MYRIP: variants seen among roughly 807,000 people sequenced by gnomAD.
The protein encoded by MYRIP is myosin VIIA and Rab interacting protein.
In MYRIP, 49 loss-of-function variants were observed where a neutral mutation model predicts 98.0. The observed-to-expected ratio is 0.50, with a 90% CI of 0.40 to 0.63. The LOEUF (loss-of-function observed/expected upper bound fraction) is 0.63. MYRIP is among the 30% of genes least tolerant of loss of function. The pLI is 0.00. For missense variants in MYRIP, 1,004 were observed against 1,058.2 expected, an observed-to-expected ratio of 0.95 and a Z score of 0.71; for synonymous variants, 404 against 409.5, an observed-to-expected ratio of 0.99 and a Z score of 0.16.
At chr3:39,818,715 G>C (rs913289427) in intron 1 of MYRIP, among the ~76,000 whole-genome samples, 1 of 152,096 alleles carries the variant, frequency 6.6e-6, no homozygotes, top group East Asian at 1.9e-4. Flanking sequence ...TTATGCACAT[G>C]TACAAGAAAC....
At position 40,027,183 on chromosome 3, in the gene MYRIP, C is replaced by T. The variant is rs533243842; in HGVS notation, c.111-16867C>T. ...CAGCTTCACTCCCCACGTAGTTACA[C>T]AAGCCAGAATCTGGTTTGCCCTCTC... On this transcript the variant is annotated intron_variant, in intron 2 of 16. Transcript: ENST00000302541. 6.0e-4 allele frequency among the ~76,000 whole-genome samples: 92 copies of T among 152,246 alleles called. 1 individual carries two copies. Among genetic ancestry groups the T allele is most frequent in the Admixed American group, 1.6e-3 (24 of 15,282 alleles).
chr3:40,223,996 C>G (rs1952416776), intron 11 of MYRIP, among the ~76,000 whole-genome samples: 1 of 152,090 alleles, frequency 6.6e-6, no homozygotes, highest in Non-Finnish European at 1.5e-5. Context: ...GAAGGGCTTT[C>G]CAGGCAGAGG....
chr3:39,969,966 G>A (rs1161227952), intron 2 of MYRIP, among the ~76,000 whole-genome samples: 1 of 152,028 alleles, frequency 6.6e-6, no homozygotes, highest in Admixed American at 6.6e-5. Flanking sequence ...TTTTTGGTTG[G>A]TAGGCTGTTT....
intron 2 of MYRIP, among the ~76,000 whole-genome samples, chr3:40,042,708 TC>T (rs1947568325): frequency 6.6e-6 from 1 of 152,196 alleles, no homozygotes; most frequent in South Asian, 2.1e-4. Flanking sequence ...TAAAATACTA[TC>T]AAGTATTATC....
At chr3:39,818,162 T>A (rs7642625) in intron 1 of MYRIP, among the ~76,000 whole-genome samples, 8 of 152,048 alleles carry the variant, frequency 5.3e-5, no homozygotes, top group African/African-American at 1.9e-4. Context: ...TGTAGACATT[T>A]TTTATTTTCT....
chr3:40,176,114 T>C (rs1950750849), intron 8 of MYRIP, among the ~76,000 whole-genome samples: 1 of 152,232 alleles, frequency 6.6e-6, no homozygotes, highest in South Asian at 2.1e-4. Flanking sequence ...TGAGTATCTC[T>C]TTCCTGCTCC....
chr3:40,075,033 C>A (rs889466327), intron 3 of MYRIP, among the ~76,000 whole-genome samples: 2 of 151,986 alleles, frequency 1.3e-5, no homozygotes, highest in Non-Finnish European at 2.9e-5. Context: ...GCAAGGAAAT[C>A]ACAAGAAAAG....
At position 39,929,775 on chromosome 3, in the gene MYRIP, TG is replaced by T. The variant is rs768084424; in HGVS notation, c.110+28850del. Among the ~76,000 whole-genome samples the T allele has an allele frequency of 2.2e-3, 339 of 152,120 alleles. 1 individual carries two copies. Among genetic ancestry groups the T allele is most frequent in the Non-Finnish European group, 3.1e-3 (212 of 67,888 alleles). On this transcript the variant is annotated intron_variant, in intron 2 of 16. Transcript: ENST00000302541. Reference sequence around the variant, plus strand: ...TAGCAATCATTAATATACTTTTTTTTGCCCTATGGATTTGACTATTCTGGAC... The same window carrying T: ...TAGCAATCATTAATATACTTTTTTTTCCCTATGGATTTGACTATTCTGGAC...
chr3:40,182,459 C>A, intron 9 of MYRIP, 86 bp downstream of exon 9: 1 of 1,448,232 alleles, frequency 6.9e-7, no homozygotes, highest in Non-Finnish European at 9.4e-7. Flanking sequence ...GGCCACTCTG[C>A]TCTTCTTCCC....
intron 3 of MYRIP, among the ~76,000 whole-genome samples, chr3:40,093,150 C>A (rs761201478): frequency 6.6e-6 from 1 of 152,076 alleles, no homozygotes; most frequent in South Asian, 2.1e-4. Context: ...AAGAGAGAGC[C>A]CAGTAGTGAT....
chr3:40,150,215 C>T (rs1028214143), intron 3 of MYRIP, among the ~76,000 whole-genome samples: 5 of 152,218 alleles, frequency 3.3e-5, no homozygotes, highest in East Asian at 1.9e-4. Flanking sequence ...CTCAGCCTCC[C>T]GAGTAGCTGG....
At chr3:39,862,519 T>G (rs1942502910) in intron 1 of MYRIP, among the ~76,000 whole-genome samples, 1 of 152,134 alleles carries the variant, frequency 6.6e-6, no homozygotes, top group South Asian at 2.1e-4. Context: ...CAAAAAATAC[T>G]ATAAGCCACT....
At chr3:40,246,863 T>C (rs975748471) in intron 13 of MYRIP, among the ~76,000 whole-genome samples, 2 of 152,174 alleles carry the variant, frequency 1.3e-5, no homozygotes, top group Non-Finnish European at 2.9e-5. Context: ...AGGGCACAAT[T>C]CTCCACTCTG....
At chr3:39,924,960 A>G (rs940543298) in intron 2 of MYRIP, among the ~76,000 whole-genome samples, 2 of 151,978 alleles carry the variant, frequency 1.3e-5, no homozygotes. Context: ...CTGCTAAAGT[A>G]GTACATAGAA....
chr3:39,883,618 C>A (rs917518507), intron 1 of MYRIP, among the ~76,000 whole-genome samples: 2 of 151,736 alleles, frequency 1.3e-5, no homozygotes, highest in Non-Finnish European at 2.9e-5. Flanking sequence ...AGCAGCACAT[C>A]TACCCACTAA....
intron 3 of MYRIP, among the ~76,000 whole-genome samples, chr3:40,094,163 C>A (rs1375234824): frequency 6.6e-6 from 1 of 152,194 alleles, no homozygotes; most frequent in Non-Finnish European, 1.5e-5. Context: ...GTGATGTTTA[C>A]CCCACTGGAT....
intron 2 of MYRIP, among the ~76,000 whole-genome samples, chr3:40,006,681 G>C (rs183021150): frequency 2.6e-5 from 4 of 152,292 alleles, no homozygotes; most frequent in Admixed American, 2.6e-4. Context: ...TGTTGATTAT[G>C]CTGCCCTGTA....
intron 1 of MYRIP, among the ~76,000 whole-genome samples, chr3:39,882,402 T>A (rs998475836): frequency 1.3e-5 from 2 of 152,276 alleles, no homozygotes; most frequent in Non-Finnish European, 1.5e-5. Flanking sequence ...TCACCAGTCT[T>A]AAGATAGTTT....
intron 1 of MYRIP, among the ~76,000 whole-genome samples, chr3:39,811,076 G>A (rs1056562370): frequency 1.8e-4 from 28 of 152,130 alleles, no homozygotes; most frequent in Admixed American, 1.6e-3. Context: ...GTCCTTTGAG[G>A]TGGCTCCAGT....
Sources: gnomAD v4.1 joint callset for allele counts (sites outside exome capture counted in the v4.1 genomes callset) on GRCh38, gnomAD v4.1.1 for gene constraint, MANE v1.5 for transcripts, NCBI Gene and HGNC (gene_info 2026-07-23, HGNC 2026-07-21) for gene names.